The following FRMD4A variants were observed in gnomAD, a reference collection of about 807,000 sequenced individuals.
FRMD4A encodes FERM domain containing 4A, also known as FERM domain-containing protein 4A.
In FRMD4A, 29 loss-of-function variants were observed where a neutral mutation model predicts 129.1. The ratio of observed to expected loss-of-function variants is 0.22; its 90% CI spans 0.17 to 0.31. FRMD4A has a LOEUF of 0.31. Ranked by LOEUF, FRMD4A falls within the 10% of genes least tolerant of loss-of-function variation. FRMD4A has a pLI of 1.00. For synonymous variants in FRMD4A, 634 were observed against 571.6 expected (o/e 1.11, Z -1.56); for missense variants, 1,272 against 1,375.8 (o/e 0.92, Z 1.19).
intron 2 of FRMD4A, among the ~76,000 whole-genome samples, chr10:14,257,112 C>T (rs1294471335): frequency 1.3e-5 from 2 of 152,132 alleles, no homozygotes; most frequent in Non-Finnish European, 2.9e-5. Context: ...GGATGGATCA[C>T]TTGAGATAAG....
At chr10:14,199,138 CTGGT>C in intron 2 of FRMD4A, among the ~76,000 whole-genome samples, 1 of 152,064 alleles carries the variant, frequency 6.6e-6, no homozygotes, top group East Asian at 1.9e-4. Context: ...TATAGTGTTA[CTGGT>C]TGGTTTTAAA....
At chr10:13,963,607 T>C (rs973868479) in intron 2 of FRMD4A, among the ~76,000 whole-genome samples, 4 of 152,238 alleles carry the variant, frequency 2.6e-5, no homozygotes, top group Non-Finnish European at 4.4e-5. Context: ...TTGATGTCAC[T>C]ATAACTAATC....
intron 17 of FRMD4A, among the ~76,000 whole-genome samples, chr10:13,669,903 C>T (rs1277059771): frequency 2.0e-5 from 3 of 152,232 alleles, no homozygotes; most frequent in Non-Finnish European, 4.4e-5. Flanking sequence ...GCCCAAGCAT[C>T]CTGCACACAT....
chr10:13,655,049 C>T (rs539109700), intron 22 of FRMD4A: 29 of 155,772 alleles, frequency 1.9e-4, no homozygotes, highest in African/African-American at 4.8e-4. Context: ...TACTGTAGGG[C>T]GCTTTGAAGG....
At chr10:13,838,938 A>AGATAAATG (rs1469070106) in intron 3 of FRMD4A, among the ~76,000 whole-genome samples, 1 of 152,000 alleles carries the variant, frequency 6.6e-6, no homozygotes, top group Non-Finnish European at 1.5e-5. Flanking sequence ...ATGATGATTA[A>AGATAAATG]GATAAATGCA....
intron 2 of FRMD4A, among the ~76,000 whole-genome samples, chr10:14,039,488 A>ATCTG (rs1833692993): frequency 6.6e-6 from 1 of 150,964 alleles, no homozygotes; most frequent in African/African-American, 2.4e-5. Flanking sequence ...CTATCTATCT[A>ATCTG]TCTATCTATC....
At chr10:13,971,892 G>A in intron 2 of FRMD4A, 1 of 1,275,356 alleles carries the variant, frequency 7.8e-7, no homozygotes, top group South Asian at 1.3e-5. Flanking sequence ...ATGTCAGTAA[G>A]ATTTAATCAG....
chr10:13,718,342 T>C (rs773983650), intron 12 of FRMD4A, among the ~76,000 whole-genome samples: 16 of 152,352 alleles, frequency 1.1e-4, no homozygotes, highest in Admixed American at 4.6e-4. Context: ...GCTCTGCAAT[T>C]GTGGCGGCAG....
intron 2 of FRMD4A, among the ~76,000 whole-genome samples, chr10:13,886,789 T>A (rs2094627451): frequency 6.6e-6 from 1 of 152,034 alleles, no homozygotes; most frequent in Non-Finnish European, 1.5e-5. Context: ...CATGTTGGAG[T>A]GCGGTCTGCT....
At chr10:13,860,468 G>A (rs1162511490) in intron 2 of FRMD4A, among the ~76,000 whole-genome samples, 2 of 152,196 alleles carry the variant, frequency 1.3e-5, no homozygotes, top group Non-Finnish European at 2.9e-5. Flanking sequence ...TGGACCAGAT[G>A]ACACATAAGT....
At chr10:13,796,474 T>C in intron 5 of FRMD4A, 22 bp downstream of exon 5, 1 of 1,166,318 alleles carries the variant, frequency 8.6e-7, no homozygotes, top group Non-Finnish European at 1.3e-6. Flanking sequence ...GAAGCAAAAG[T>C]ATAGACACCA....
At chr10:13,971,709 G>T (rs1014831936) in intron 2 of FRMD4A, 5 of 1,304,154 alleles carry the variant, frequency 3.8e-6, no homozygotes, top group South Asian at 3.7e-5. Context: ...TGCAGAACTC[G>T]AATGTTCCTC....
At chr10:14,044,912 T>C (rs557661272) in intron 2 of FRMD4A, among the ~76,000 whole-genome samples, 71 of 152,296 alleles carry the variant, frequency 4.7e-4, no homozygotes, top group Middle Eastern at 3.4e-3. Context: ...GGCTACATTC[T>C]CTGGCCCCTT....
chr10:13,715,955 G>A (rs977722223), intron 12 of FRMD4A, among the ~76,000 whole-genome samples: 16 of 149,660 alleles, frequency 1.1e-4, no homozygotes, highest in South Asian at 6.4e-4. Flanking sequence ...ATTCCCCTCC[G>A]TCAATTACAT....
At chr10:13,819,745 G>T (rs527633113) in intron 3 of FRMD4A, among the ~76,000 whole-genome samples, 1 of 149,548 alleles carries the variant, frequency 6.7e-6, no homozygotes, top group African/African-American at 2.5e-5. Context: ...GTGCGGGCTG[G>T]AGTACAGTGG....
At chr10:13,903,703 C>T (rs1164741432) in intron 2 of FRMD4A, among the ~76,000 whole-genome samples, 3 of 141,978 alleles carry the variant, frequency 2.1e-5, no homozygotes, top group African/African-American at 8.1e-5. Context: ...AAGACCCCAT[C>T]TCTAAAAAAA....
chr10:13,659,290 C>G (rs771517347), intron 21 of FRMD4A, 33 bp downstream of exon 21: 1 of 1,600,292 alleles, frequency 6.2e-7, no homozygotes, highest in Non-Finnish European at 8.6e-7. Context: ...AAAAGGAAGG[C>G]TTGGTCTGAG....
rs777186184 is a variant in FRMD4A, at chr10:13,737,948, G to A, written c.673-18C>T. On this transcript the variant is annotated intron_variant, in intron 11 of 24. Coordinates refer to ENST00000357447, the MANE Select transcript of FRMD4A (RefSeq NM_018027.5). ...TGCTTGTCCTAGGATATCAAAAAAA[G>A]TTTGGGTGAATATGGGACTGGAGGA... 1.6e-5 allele frequency: 23 copies of A among 1,459,692 alleles called. No individual in the cohort carries two copies. Among genetic ancestry groups the A allele is most frequent in the Admixed American group, 3.4e-5 (2 of 59,116 alleles). 90.4% of individuals were successfully genotyped at this position (1,459,692 alleles called of 1,614,324 possible).
At chr10:14,302,836 C>T (rs760965426) in intron 2 of FRMD4A, among the ~76,000 whole-genome samples, 9 of 152,150 alleles carry the variant, frequency 5.9e-5, no homozygotes, top group African/African-American at 1.9e-4. Context: ...GAACATTGTC[C>T]ACAGGGACAG....
Sources: allele counts gnomAD v4.1 joint callset (sites outside exome capture counted in the v4.1 genomes callset), GRCh38; gene constraint gnomAD v4.1.1; transcripts MANE v1.5; gene names NCBI Gene and HGNC (gene_info 2026-07-23, HGNC 2026-07-21).